NIPAL4: variants seen among roughly 807,000 people sequenced by gnomAD.
NIPAL4 encodes the protein magnesium transporter NIPA4.
A neutral mutation model predicts 31.6 loss-of-function variants in NIPAL4; 21 were observed. The observed-to-expected ratio is 0.67, with a 90% CI of 0.47 to 0.96. NIPAL4 has a LOEUF of 0.96. Among genes scored for constraint, NIPAL4 ranks in the 40% least tolerant of loss-of-function variants. NIPAL4 has a pLI of 0.00. For synonymous variants in NIPAL4, 175 were observed against 211.1 expected, an observed-to-expected ratio of 0.83 and a Z score of 1.48; for missense variants, 438 against 508.0, an observed-to-expected ratio of 0.86 and a Z score of 1.32.
intron 4 of NIPAL4, among the ~76,000 whole-genome samples, chr5:157,470,722 A>T (rs1336263040): frequency 1.3e-5 from 2 of 152,218 alleles, no homozygotes; most frequent in Non-Finnish European, 2.9e-5. Context: ...AGAGCAAAAA[A>T]TAGAAATTAC....
intron 3 of NIPAL4, chr5:157,468,113 C>G (rs1009625091): frequency 6.7e-6 from 1 of 150,168 alleles, no homozygotes; most frequent in African/African-American, 2.5e-5. Context: ...CGGGGTTTCT[C>G]CGTGTTGGTC....
chr5:157,474,340 G>GT lies in NIPAL4; in HGVS notation c.*1381dup, dbSNP rs1411207103. On this transcript the variant is annotated 3_prime_UTR_variant, in exon 6 of 6. Transcript: ENST00000311946. ...CTATCTCCTTTCTAGCCACAAGAGT[G>GT]TGGGGGTTGGAGAAGAACCATTAGA... The GT allele has an allele frequency of 1.3e-5, 2 of 152,244 alleles. No homozygotes were observed. Among genetic ancestry groups the GT allele is most frequent in the African/African-American group, 4.8e-5 (2 of 41,460 alleles). The allele number at this position is 152,244 out of a possible 1,614,324, so 9.4% of individuals were successfully genotyped here. A position where few individuals can be genotyped will look rare whatever the true frequency, so the allele number is the denominator to read the frequency against.
Position 157,460,376 on chromosome 5 carries a change from G to A in NIPAL4, c.37+19G>A, listed in dbSNP as rs1383571808. On this transcript the variant is annotated intron_variant, in intron 1 of 5. Transcript: ENST00000311946. Reference sequence around the variant, plus strand: ...GAGAACGGTGCGTACGGCAGGGCTGGGGACCAGGCGGGCTCCGCGCTTCGC... The same window carrying A: ...GAGAACGGTGCGTACGGCAGGGCTGAGGACCAGGCGGGCTCCGCGCTTCGC... The A allele has an allele frequency of 1.1e-5, 17 of 1,535,804 alleles. No individual in the cohort carries two copies. Among genetic ancestry groups the A allele is most frequent in the Non-Finnish European group, 1.3e-5 (15 of 1,141,232 alleles).
chr5:157,470,852 T>C (rs1228053971), intron 4 of NIPAL4, among the ~76,000 whole-genome samples: 1 of 152,216 alleles, frequency 6.6e-6, no homozygotes, highest in Non-Finnish European at 1.5e-5. Context: ...AGCCATCTGT[T>C]GGCAGTGCTA....
chr5:157,472,496 A>G lies in NIPAL4; in HGVS notation c.751A>G (p.Asn251Asp), dbSNP rs1375604477. 1 of 1,613,602 alleles carries G rather than the reference A, an allele frequency of 6.2e-7. No homozygotes were observed. Among genetic ancestry groups the G allele is most frequent in the Admixed American group, 1.7e-5 (1 of 59,978 alleles). Residue 251 changes from asparagine to aspartate, a missense_variant, in exon 6 of 6, where the codon AAC becomes GAC. Coordinates refer to ENST00000311946, the MANE Select transcript of NIPAL4 (RefSeq NM_001099287.2). ...CAAGGGGCTGGGCATCACCATCAAG[A>G]ACTTCTTCCAGGGGCTGCCAGTTGT... ...AVKGLGITIK[N>D]FFQGLPVVRH...
chr5:157,461,601 G>T (rs1412960728), intron 1 of NIPAL4, among the ~76,000 whole-genome samples: 1 of 152,280 alleles, frequency 6.6e-6, no homozygotes, highest in East Asian at 1.9e-4. Context: ...GGGCAAGGAA[G>T]CCTGAGCTGG....
intron 2 of NIPAL4, among the ~76,000 whole-genome samples, chr5:157,463,661 C>T (rs991548735): frequency 2.0e-5 from 3 of 152,154 alleles, no homozygotes; most frequent in African/African-American, 4.8e-5. Context: ...TTACTTCCCA[C>T]CAACGTCATC....
At chr5:157,466,967 G>A in intron 2 of NIPAL4, 82 bp from the exon 3 acceptor site, 4 of 1,046,350 alleles carry the variant, frequency 3.8e-6, no homozygotes, top group Non-Finnish European at 5.9e-6. Context: ...TTAGAGGCCG[G>A]GGAGTGAGCA....
chr5:157,467,646 C>T (rs978343986), intron 3 of NIPAL4: 2 of 160,234 alleles, frequency 1.2e-5, no homozygotes, highest in Admixed American at 5.9e-5. Flanking sequence ...TTTTGATCCT[C>T]GTCTCAGCCA....
At chr5:157,468,879 C>A in intron 4 of NIPAL4, 67 bp downstream of exon 4, 1 of 1,118,064 alleles carries the variant, frequency 8.9e-7, no homozygotes, top group Non-Finnish European at 1.3e-6. Context: ...CCTGGAATTG[C>A]CAAGTGGGAT....
intron 2 of NIPAL4, among the ~76,000 whole-genome samples, chr5:157,466,675 T>C (rs891596833): frequency 7.2e-5 from 11 of 152,186 alleles, no homozygotes; most frequent in African/African-American, 2.4e-4. Context: ...CCCTGGTTTC[T>C]GGCTTAAGCA....
rs1470581979 is a variant in NIPAL4, at chr5:157,472,316, C to T, written c.587-16C>T. 8.2e-6 allele frequency: 13 copies of T among 1,585,982 alleles called. No homozygotes were observed. Among genetic ancestry groups the T allele is most frequent in the Non-Finnish European group, 1.7e-6 (2 of 1,168,880 alleles). On this transcript the variant is annotated splice_polypyrimidine_tract_variant and intron_variant, in intron 5 of 5. Transcript: ENST00000311946. ...CCCTCCACAGCCAAGTGATCCTTCT[C>T]TCTCTCCTCCCAAAGGGTTCATCGT...
At chr5:157,471,885 G>C (rs1222013903) in intron 5 of NIPAL4, 68 bp downstream of exon 5, 2 of 1,288,794 alleles carry the variant, frequency 1.6e-6, no homozygotes, top group African/African-American at 2.9e-5. Context: ...CCCCACAAAA[G>C]GTCAGGTTGG....
chr5:157,460,628 G>A (rs770778145), intron 1 of NIPAL4: 2 of 546,512 alleles, frequency 3.7e-6, no homozygotes, highest in Admixed American at 2.2e-5. Context: ...CAGGCATTTT[G>A]ACGACAGCAG....
Position 157,460,237 on chromosome 5 carries a change from GGGGACAAGTCGC to G in NIPAL4, c.-81_-70del. Reference sequence around the variant, plus strand: ...CGGCTTCTCGCGCGCGAGCCACGCGGGGGACAAGTCGCGGCCACCTGCTCCGGAGCTGGGGAG... The same window carrying G: ...CGGCTTCTCGCGCGCGAGCCACGCGGGGCCACCTGCTCCGGAGCTGGGGAG... On this transcript the variant is annotated 5_prime_UTR_variant, in exon 1 of 6. Coordinates refer to ENST00000311946, the MANE Select transcript of NIPAL4 (RefSeq NM_001099287.2). 6.6e-7 allele frequency: 1 copy of G among 1,520,528 alleles called. No individual in the cohort carries two copies. Among genetic ancestry groups the G allele is most frequent in the Non-Finnish European group, 8.8e-7 (1 of 1,135,612 alleles). 94.2% of individuals were successfully genotyped at this position (1,520,528 alleles called of 1,614,324 possible).
chr5:157,460,483 G>A, intron 1 of NIPAL4, 126 bp downstream of exon 1: 1 of 939,570 alleles, frequency 1.1e-6, no homozygotes, highest in Non-Finnish European at 1.7e-6. Context: ...GGGCCAGCAC[G>A]AGGTGGCTCC....
At position 157,467,058 on chromosome 5, in the gene NIPAL4, G is replaced by C; in HGVS notation, c.287G>C (p.Gly96Ala). The change falls in exon 3 of 6, where the codon GGC (glycine) becomes GCC (alanine). Residue 96 changes from glycine (G) to alanine (A), a missense_variant. Physicochemically the swap from Gly to Ala is moderately conservative, Grantham distance 60. Transcript: ENST00000311946. ...TCCATTCCCTCCACAGTGGATGGAGGCTTCGGCTACCTGAAAGATGCAATG... is the reference window on the plus strand; with the variant it reads ...TCCATTCCCTCCACAGTGGATGGAGCCTTCGGCTACCTGAAAGATGCAATG... ...ATGATRAVDG[G>A]FGYLKDAMWW... The C allele has an allele frequency of 6.2e-7, 1 of 1,612,758 alleles. No homozygotes were observed. The highest frequency in any genetic ancestry group is 8.5e-7 in the Non-Finnish European group (1 of 1,178,982).
At chr5:157,461,897 G>C (rs984648818) in intron 1 of NIPAL4, among the ~76,000 whole-genome samples, 1 of 152,202 alleles carries the variant, frequency 6.6e-6, no homozygotes, top group South Asian at 2.1e-4. Flanking sequence ...CTGTGTCGTG[G>C]AAGAAAGGTC....
At chr5:157,465,819 C>G (rs1754257199) in intron 2 of NIPAL4, among the ~76,000 whole-genome samples, 1 of 152,052 alleles carries the variant, frequency 6.6e-6, no homozygotes, top group Admixed American at 6.6e-5. Flanking sequence ...TAGCAAGACC[C>G]CCATCTGTAC....
Sources: allele counts gnomAD v4.1 joint callset (sites outside exome capture counted in the v4.1 genomes callset), GRCh38; gene constraint gnomAD v4.1.1; transcripts MANE v1.5; gene names NCBI Gene and HGNC (gene_info 2026-07-23, HGNC 2026-07-21).